NCOA2: variants seen among roughly 807,000 people sequenced by gnomAD.
NCOA2 encodes class E basic helix-loop-helix protein 75.
A neutral mutation model predicts 145.1 loss-of-function variants in NCOA2; 21 were observed. The ratio of observed to expected loss-of-function variants is 0.14; its 90% CI spans 0.10 to 0.21. The LOEUF is 0.21. Ranked by LOEUF, NCOA2 falls within the 10% of genes least tolerant of loss-of-function variation. The probability of loss-of-function intolerance (pLI) is 1.00; values close to 1 mark genes in which losing one functional copy is unlikely to be tolerated. For synonymous variants in NCOA2, 619 were observed against 637.5 expected (o/e 0.97, Z 0.44); for missense variants, 1,472 against 1,837.6 (o/e 0.80, Z 3.64).
intron 4 of NCOA2, among the ~76,000 whole-genome samples, chr8:70,178,232 A>G (rs1313393282): frequency 6.6e-6 from 1 of 152,226 alleles, no homozygotes; most frequent in Non-Finnish European, 1.5e-5. Context: ...AAATATGTAC[A>G]GTATTTTATT....
At position 70,268,354 on chromosome 8, in the gene NCOA2, C is replaced by A. The variant is rs545405565; in HGVS notation, c.-20+28390G>T. ...AGACCATCTAGCTTACATTATAGGGCTCCTCATGTACCCTCTAAATTTAAT... is the reference window on the plus strand; with the variant it reads ...AGACCATCTAGCTTACATTATAGGGATCCTCATGTACCCTCTAAATTTAAT... On this transcript the variant is annotated intron_variant, in intron 2 of 22. Transcript: ENST00000452400. 3.3e-5 allele frequency among the ~76,000 whole-genome samples: 5 copies of A among 152,192 alleles called. No individual in the cohort carries two copies. In the East Asian group the frequency reaches 9.6e-4, roughly 29 times the overall value.
intron 1 of NCOA2, among the ~76,000 whole-genome samples, chr8:70,339,407 AAAC>A (rs1175715035): frequency 2.0e-5 from 3 of 152,174 alleles, no homozygotes; most frequent in Non-Finnish European, 4.4e-5. Flanking sequence ...GAAGAACTAC[AAAC>A]CACTGCTCAA....
In NCOA2 at chr8:70,166,743, A is replaced by G. The variant is rs1813662679; in HGVS notation, c.553T>C (p.Ser185Pro). The G allele has an allele frequency of 6.2e-7, 1 of 1,613,794 alleles. No individual in the cohort carries two copies. Among genetic ancestry groups the G allele is most frequent in the South Asian group, 1.1e-5 (1 of 91,074 alleles). ...LLPKSIVNGG[S>P]WSGEPPRRNS... The stretch of plus-strand genomic sequence containing the variant: ...CGCCTCGGAGGTTCGCCAGACCAAG[A>G]TCCCCCATTTACTGAGCAAGGCAAA... The change falls in exon 7 of 23, where the codon TCT (serine) becomes CCT (proline). Residue 185 changes from serine (S) to proline (P), a missense_variant. This residue lies in a region of NCOA2 where 284 missense variants were observed against 467.8 expected (regional missense o/e 0.61). Transcript: ENST00000452400.
chr8:70,441,605 AAAGC>A, the NCOA2 span, among the ~76,000 whole-genome samples: 10 of 151,342 alleles, frequency 6.6e-5, no homozygotes, highest in East Asian at 2.0e-4. Context: ...AGAGAGAGAG[AAAGC>A]AAGCAAGCAA....
the NCOA2 span, among the ~76,000 whole-genome samples, chr8:70,439,470 G>A: frequency 1.3e-5 from 2 of 152,134 alleles, no homozygotes; most frequent in African/African-American, 4.8e-5. Flanking sequence ...GAAGGCACTC[G>A]GGGGGAGGAA....
chr8:70,329,339 G>C (rs995726609), intron 1 of NCOA2, among the ~76,000 whole-genome samples: 7 of 152,076 alleles, frequency 4.6e-5, no homozygotes, highest in Middle Eastern at 3.2e-3. Flanking sequence ...TCAAACTCCT[G>C]GGCTCAAGCA....
chr8:70,280,695 T>C (rs1825804855), intron 2 of NCOA2, among the ~76,000 whole-genome samples: 1 of 152,086 alleles, frequency 6.6e-6, no homozygotes, highest in Non-Finnish European at 1.5e-5. Context: ...ACTGGTATAG[T>C]ACAGTAGAAA....
At chr8:70,306,970 G>C (rs1382246259) in intron 1 of NCOA2, among the ~76,000 whole-genome samples, 1 of 152,202 alleles carries the variant, frequency 6.6e-6, no homozygotes, top group African/African-American at 2.4e-5. Context: ...CTGAATCCAG[G>C]TCGTTCTGAA....
At chr8:70,404,283 T>A (rs1398084447), upstream of NCOA2, among the ~76,000 whole-genome samples, 1 of 152,076 alleles carries the variant, frequency 6.6e-6, no homozygotes, top group Non-Finnish European at 1.5e-5. Context: ...AAAAGAAAAC[T>A]AGCGACTGGG....
upstream of NCOA2, among the ~76,000 whole-genome samples, chr8:70,404,947 TATAATG>T (rs778172547): frequency 6.6e-6 from 1 of 152,232 alleles, no homozygotes; most frequent in Non-Finnish European, 1.5e-5. Context: ...ATTTTAATCT[TATAATG>T]AGAAAGGTCA....
At position 70,113,568 on chromosome 8, in the gene NCOA2, C is replaced by CGGAG; in HGVS notation, c.*63_*64insCTCC. On this transcript the variant is annotated 3_prime_UTR_variant, in exon 23 of 23. Transcript: ENST00000452400. ...GTTGAAACAAATAGACACAGCTCTC[C>CGGAG]AGACTGGAAGTGTTTTGAGCAAGTG... The CGGAG allele has an allele frequency of 6.5e-7, 1 of 1,532,466 alleles. No homozygotes were observed. Among genetic ancestry groups the CGGAG allele is most frequent in the Non-Finnish European group, 8.9e-7 (1 of 1,129,732 alleles). 94.9% of individuals were successfully genotyped at this position (1,532,466 alleles called of 1,614,324 possible). A position where few individuals can be genotyped will look rare whatever the true frequency, so the allele number is the denominator to read the frequency against.
intron 2 of NCOA2, among the ~76,000 whole-genome samples, chr8:70,226,950 C>T (rs759427339): frequency 4.0e-4 from 61 of 152,090 alleles, no homozygotes; most frequent in African/African-American, 1.2e-3. Context: ...ACTCCCTTTA[C>T]GCAGGCTTCA....
rs141367476 is a variant in NCOA2 at position 70,243,015 on chromosome 8, C to T, written c.-19-26251G>A. ...GCTACCTGGACTTCAACACCTGCACCTCTTAACTCTGATAATAATACTGGG... is the reference window on the plus strand; with the variant it reads ...GCTACCTGGACTTCAACACCTGCACTTCTTAACTCTGATAATAATACTGGG... On this transcript the variant is annotated intron_variant, in intron 2 of 22. Coordinates refer to ENST00000452400, the MANE Select transcript of NCOA2 (RefSeq NM_006540.4). Among the ~76,000 whole-genome samples the T allele has an allele frequency of 2.2e-4, 33 of 152,154 alleles. No homozygotes were observed. In the East Asian group the frequency reaches 6.0e-3, roughly 28 times the overall value.
chr8:70,342,769 G>T (rs1350340390), intron 1 of NCOA2, among the ~76,000 whole-genome samples: 7 of 107,936 alleles, frequency 6.5e-5, no homozygotes, highest in East Asian at 2.7e-4. Context: ...TTCTTCTTTT[G>T]CAATTACACA....
chr8:70,213,773 A>AC, intron 4 of NCOA2, 130 bp downstream of exon 4: 1 of 776,072 alleles, frequency 1.3e-6, no homozygotes, highest in Non-Finnish European at 2.0e-6. Context: ...TTCATCTTAC[A>AC]CTGTGACATC....
At chr8:70,408,988 C>T in the NCOA2 span, among the ~76,000 whole-genome samples, 1 of 152,010 alleles carries the variant, frequency 6.6e-6, no homozygotes, top group Non-Finnish European at 1.5e-5. Context: ...CCTGTAATCC[C>T]TGCACTTTGG....
At chr8:70,130,027 T>TA (rs1563494057) in intron 16 of NCOA2, among the ~76,000 whole-genome samples, 1 of 152,234 alleles carries the variant, frequency 6.6e-6, no homozygotes. Context: ...TCTACCCATG[T>TA]AGTGCTGGAG....
At chr8:70,400,140 T>A (rs770167424) in intron 1 of NCOA2, among the ~76,000 whole-genome samples, 2 of 152,244 alleles carry the variant, frequency 1.3e-5, no homozygotes, top group African/African-American at 2.4e-5. Context: ...TCATCTAAAT[T>A]ATATTTAACC....
At chr8:70,114,656 C>A (rs144944350) in intron 22 of NCOA2, among the ~76,000 whole-genome samples, 1,553 of 152,254 alleles carry the variant, frequency 0.01, 10 homozygotes, top group Non-Finnish European at 0.017. Context: ...CAAATTATTA[C>A]AAATAACAAC....
Sources: gnomAD v4.1 joint callset for allele counts (sites outside exome capture counted in the v4.1 genomes callset) on GRCh38, gnomAD v4.1.1 for gene constraint, gnomAD v4.1.1 regional missense constraint, MANE v1.5 for transcripts, NCBI Gene and HGNC (gene_info 2026-07-23, HGNC 2026-07-21) for gene names.